Variants in NT5DC3 observed in about 807,000 individuals in gnomAD.
NT5DC3 encodes 5'-nucleotidase domain containing 3.
Under a neutral mutation model 67.8 loss-of-function variants are expected in NT5DC3, and 42 were observed. The ratio of observed to expected loss-of-function variants is 0.62; its 90% CI spans 0.48 to 0.80. The LOEUF (loss-of-function observed/expected upper bound fraction) is 0.80, where lower values mean the gene tolerates loss of function less well. Among genes scored for constraint, NT5DC3 ranks in the 30% least tolerant of loss-of-function variants. The pLI, the probability that NT5DC3 is intolerant of heterozygous loss-of-function variation, is 0.00. For synonymous variants in NT5DC3, 237 were observed against 255.6 expected, an observed-to-expected ratio of 0.93 and a Z score of 0.69; for missense variants, 570 against 696.4, an observed-to-expected ratio of 0.82 and a Z score of 2.04.
intron 4 of NT5DC3, chr12:103,802,440 C>G (rs534960574): frequency 1.3e-5 from 2 of 152,220 alleles, no homozygotes; most frequent in Non-Finnish European, 1.5e-5. Context: ...TTTGCCTGCC[C>G]GGAATCCTGT....
intron 5 of NT5DC3, among the ~76,000 whole-genome samples, chr12:103,797,674 CA>C: frequency 6.6e-6 from 1 of 152,206 alleles, no homozygotes; most frequent in Middle Eastern, 3.4e-3. Flanking sequence ...AGCCAGCAAA[CA>C]AATTATTGCC....
the NT5DC3 span, among the ~76,000 whole-genome samples, chr12:103,747,995 C>CAA: frequency 6.4e-3 from 619 of 96,614 alleles, 14 homozygotes; most frequent in African/African-American, 0.022. Flanking sequence ...ACTCTGTCTC[C>CAA]AAAAAAAAAA....
intron 11 of NT5DC3, among the ~76,000 whole-genome samples, chr12:103,786,185 G>A (rs1885763932): frequency 6.6e-6 from 1 of 152,200 alleles, no homozygotes; most frequent in Middle Eastern, 3.4e-3. Flanking sequence ...ATACACAATG[G>A]CAGGTGGGGA....
chr12:103,766,362 T>TC, downstream of NT5DC3: 2 of 1,593,624 alleles, frequency 1.3e-6, no homozygotes, highest in Non-Finnish European at 1.7e-6. Context: ...ATGCCAGCCA[T>TC]CACTCACTGC....
At chr12:103,838,664 T>G (rs1334543046) in intron 1 of NT5DC3, among the ~76,000 whole-genome samples, 1 of 152,198 alleles carries the variant, frequency 6.6e-6, no homozygotes, top group African/African-American at 2.4e-5. Flanking sequence ...AGCCAAAGAC[T>G]GGGAGCAACC....
downstream of NT5DC3, chr12:103,766,475 G>GGGGTTGTTTCTGT: frequency 2.0e-6 from 2 of 1,013,102 alleles, no homozygotes; most frequent in South Asian, 1.7e-5. Context: ...GGCTGATCTG[G>GGGGTTGTTTCTGT]GGGTTGTTTC....
chr12:103,810,186 C>A (rs1289718346), intron 2 of NT5DC3, among the ~76,000 whole-genome samples: 4 of 152,158 alleles, frequency 2.6e-5, no homozygotes, highest in Non-Finnish European at 4.4e-5. Flanking sequence ...AAGTCTTCTC[C>A]AAGGCCTCTT....
chr12:103,829,821 T>C (rs1887847400), intron 1 of NT5DC3, among the ~76,000 whole-genome samples: 1 of 152,068 alleles, frequency 6.6e-6, no homozygotes, highest in African/African-American at 2.4e-5. Flanking sequence ...CTGACACATA[T>C]ACATCCTTTA....
Position 103,776,221 on chromosome 12 carries a change from AC to A in NT5DC3, c.*1607del, listed in dbSNP as rs1428417168. The A allele has an allele frequency of 6.6e-6, 1 of 152,192 alleles. No individual in the cohort carries two copies. Among genetic ancestry groups the A allele is most frequent in the Non-Finnish European group, 1.5e-5 (1 of 68,046 alleles). 9.4% of individuals were successfully genotyped at this position (152,192 alleles called of 1,614,324 possible). Reference sequence around the variant, plus strand: ...GTGCAATTAAGGATTCTTCCCTCCAACAAAAGGAATACATGCCACTTGCATT... The same window carrying A: ...GTGCAATTAAGGATTCTTCCCTCCAAAAAAGGAATACATGCCACTTGCATT... On this transcript the variant is annotated 3_prime_UTR_variant, in exon 14 of 14. Transcript: ENST00000392876.
chr12:103,830,157 A>T (rs1377704897), intron 1 of NT5DC3, among the ~76,000 whole-genome samples: 1 of 152,240 alleles, frequency 6.6e-6, no homozygotes, highest in East Asian at 1.9e-4. Context: ...ATCCTCGGAG[A>T]CAGGTATTAT....
intron 13 of NT5DC3, among the ~76,000 whole-genome samples, chr12:103,779,744 C>G (rs1297709576): frequency 6.6e-6 from 1 of 152,188 alleles, no homozygotes; most frequent in Non-Finnish European, 1.5e-5. Context: ...ATAAAGCATC[C>G]TTCTAGGGAA....
At chr12:103,809,445 T>G (rs1367546466) in intron 2 of NT5DC3, among the ~76,000 whole-genome samples, 1 of 152,186 alleles carries the variant, frequency 6.6e-6, no homozygotes, top group Non-Finnish European at 1.5e-5. Flanking sequence ...AAGACCACAG[T>G]GAGTGACTAT....
chr12:103,779,981 A>G (rs984074013), intron 13 of NT5DC3, among the ~76,000 whole-genome samples: 2 of 152,200 alleles, frequency 1.3e-5, no homozygotes, highest in Admixed American at 6.5e-5. Context: ...AGCATTATTA[A>G]CAACTGGCCC....
chr12:103,796,620 C>T (rs1428958216), intron 6 of NT5DC3, among the ~76,000 whole-genome samples: 2 of 152,214 alleles, frequency 1.3e-5, no homozygotes, highest in Non-Finnish European at 2.9e-5. Context: ...GCCAAGTGCA[C>T]CGGCCCTGGC....
At chr12:103,791,778 A>G (rs952229786) in intron 9 of NT5DC3, among the ~76,000 whole-genome samples, 1 of 152,230 alleles carries the variant, frequency 6.6e-6, no homozygotes, top group Admixed American at 6.5e-5. Context: ...CAGTGGTGGC[A>G]TTAGATTCTC....
chr12:103,815,251 G>A, intron 1 of NT5DC3, 130 bp from the exon 2 acceptor site: 2 of 590,742 alleles, frequency 3.4e-6, no homozygotes, highest in Non-Finnish European at 5.7e-6. Context: ...GCTGGTGAAG[G>A]AAGCCAGCCA....
intron 10 of NT5DC3, among the ~76,000 whole-genome samples, chr12:103,788,553 G>A (rs1356760158): frequency 6.6e-6 from 1 of 152,116 alleles, no homozygotes; most frequent in East Asian, 1.9e-4. Context: ...TCCTTAAAGA[G>A]AAATTTCCAA....
chr12:103,790,993 A>C (rs569834573), intron 9 of NT5DC3, among the ~76,000 whole-genome samples: 4 of 152,236 alleles, frequency 2.6e-5, no homozygotes, highest in Admixed American at 2.6e-4. Flanking sequence ...CCGGCCAAGT[A>C]CATCATTTTT....
At chr12:103,826,251 A>G (rs1270672008) in intron 1 of NT5DC3, among the ~76,000 whole-genome samples, 4 of 152,242 alleles carry the variant, frequency 2.6e-5, no homozygotes, top group African/African-American at 9.6e-5. Flanking sequence ...TGGCTCTCCA[A>G]AGATATCCAC....
Sources: allele counts gnomAD v4.1 joint callset (sites outside exome capture counted in the v4.1 genomes callset), GRCh38; gene constraint gnomAD v4.1.1; transcripts MANE v1.5; gene names NCBI Gene and HGNC (gene_info 2026-07-23, HGNC 2026-07-21).